DYNLRB2: variants seen among roughly 807,000 people sequenced by gnomAD.
The protein encoded by DYNLRB2 is bithoraxoid-like protein.
A neutral mutation model predicts 12.6 loss-of-function variants in DYNLRB2; 14 were observed. The ratio of observed to expected loss-of-function variants is 1.11; its 90% CI spans 0.73 to 1.73. The LOEUF (loss-of-function observed/expected upper bound fraction) is 1.73. Ranked by LOEUF, DYNLRB2 falls within the 40% of genes most tolerant of loss-of-function variation. The probability of loss-of-function intolerance (pLI) is 0.00; values close to 1 mark genes in which losing one functional copy is unlikely to be tolerated. For missense variants in DYNLRB2, 142 were observed against 117.7 expected (o/e 1.21, Z -0.95); for synonymous variants, 53 against 37.0 (o/e 1.43, Z -1.57).
In DYNLRB2 at chr16:80,550,578, G is replaced by C; in HGVS notation, c.*20G>C. The C allele has an allele frequency of 1.2e-6, 2 of 1,614,070 alleles. No homozygotes were observed. Among genetic ancestry groups the C allele is most frequent in the African/African-American group, 2.7e-5 (2 of 75,064 alleles). On this transcript the variant is annotated 3_prime_UTR_variant, in exon 4 of 4. Transcript: ENST00000305904. ...GAATAGACCTGCGATGGCCAAGGCT[G>C]TTTAAGCGACACTGGGTTGGAAACA...
upstream of DYNLRB2, chr16:80,540,917 G>A: frequency 7.5e-7 from 1 of 1,327,688 alleles, no homozygotes; most frequent in Admixed American, 2.0e-5. Context: ...CATCAGGAGC[G>A]CGGTCAGGGC....
At chr16:80,543,460 TTA>T (rs1403082596) in intron 2 of DYNLRB2, 109 bp downstream of exon 2, 2 of 1,005,072 alleles carry the variant, frequency 2.0e-6, no homozygotes, top group Non-Finnish European at 2.9e-6. Flanking sequence ...AAAAATATAT[TTA>T]TATATTTTAG....
upstream of DYNLRB2, chr16:80,540,975 G>T: frequency 1.9e-6 from 3 of 1,573,830 alleles, no homozygotes; most frequent in Non-Finnish European, 2.6e-6. Context: ...ACGCTTCCGT[G>T]GGGCCACTTC....
intron 2 of DYNLRB2, chr16:80,547,861 T>G (rs1250744284): frequency 4.4e-6 from 2 of 456,580 alleles, no homozygotes; most frequent in Non-Finnish European, 8.8e-6. Flanking sequence ...TTTATTATGC[T>G]TTATTTATTG....
chr16:80,543,841 T>A (rs1700087661), intron 2 of DYNLRB2, among the ~76,000 whole-genome samples: 1 of 152,236 alleles, frequency 6.6e-6, no homozygotes, highest in Admixed American at 6.5e-5. Context: ...GGATATAGCA[T>A]AAGAAGGCCC....
At chr16:80,547,894 A>G in intron 2 of DYNLRB2, 1 of 453,682 alleles carries the variant, frequency 2.2e-6, no homozygotes, top group South Asian at 1.6e-5. Flanking sequence ...TGTAAATATT[A>G]TCCTCATACT....
chr16:80,550,402 C>G, intron 3 of DYNLRB2, 113 bp from the exon 4 acceptor site: 1 of 1,230,996 alleles, frequency 8.1e-7, no homozygotes, highest in South Asian at 1.3e-5. Context: ...GGTGGGAAAC[C>G]ATCTGTCTGC....
intron 1 of DYNLRB2, among the ~76,000 whole-genome samples, chr16:80,542,046 T>C (rs1904292974): frequency 6.6e-6 from 1 of 152,182 alleles, no homozygotes. Flanking sequence ...TGCTATTAGG[T>C]CCTTAATACC....
chr16:80,546,564 G>A (rs1226813359), intron 2 of DYNLRB2, among the ~76,000 whole-genome samples: 7 of 152,186 alleles, frequency 4.6e-5, no homozygotes, highest in Non-Finnish European at 8.8e-5. Context: ...AATGCTACAC[G>A]TTTTTATTAG....
At chr16:80,543,609 A>C (rs1045121300) in intron 2 of DYNLRB2, among the ~76,000 whole-genome samples, 2 of 152,228 alleles carry the variant, frequency 1.3e-5, no homozygotes, top group Admixed American at 1.3e-4. Context: ...TACATTGTTT[A>C]CTTTTTAAAG....
chr16:80,543,254 T>A, intron 1 of DYNLRB2, 22 bp from the exon 2 acceptor site: 1 of 1,613,504 alleles, frequency 6.2e-7, no homozygotes, highest in Non-Finnish European at 8.5e-7. Flanking sequence ...TTTTGGTTAA[T>A]TATCTTCCTG....
intron 2 of DYNLRB2, among the ~76,000 whole-genome samples, chr16:80,545,172 T>A (rs1384389307): frequency 6.6e-6 from 1 of 152,054 alleles, no homozygotes; most frequent in Non-Finnish European, 1.5e-5. Flanking sequence ...GCCTCAAAGG[T>A]CTGAAAAATA....
At position 80,549,568 on chromosome 16, in the gene DYNLRB2, G is replaced by A. The variant is rs753198482; in HGVS notation, c.164G>A (p.Ser55Asn). ...CATCACCTGACAATGAAAGCCAAAA[G>A]CACAGTTCGTGATATTGATCCTCAG... ...LLHHLTMKAK[S>N]TVRDIDPQND... The change falls in exon 3 of 4, where the codon AGC becomes AAC. Residue 55 changes from serine (S) to asparagine (N), a missense_variant. Coordinates refer to ENST00000305904, the MANE Select transcript of DYNLRB2 (RefSeq NM_130897.3). 1 of 1,613,010 alleles carries A rather than the reference G, an allele frequency of 6.2e-7. No homozygotes were observed. The highest frequency in any genetic ancestry group is 8.5e-7 in the Non-Finnish European group (1 of 1,179,284).
chr16:80,549,534 G>C lies in DYNLRB2; in HGVS notation c.130G>C (p.Gly44Arg). 6.2e-7 allele frequency: 1 copy of C among 1,613,260 alleles called. No homozygotes were observed. The highest frequency in any genetic ancestry group is 8.5e-7 in the Non-Finnish European group (1 of 1,179,490). The change falls in exon 3 of 4, where the codon GGC becomes CGC. Residue 44 changes from glycine to arginine, a missense_variant. Transcript: ENST00000305904. ...LDNSTTVQYA[G>R]LLHHLTMKAK... ...CAACTCAACAACTGTTCAATATGCAGGCCTTCTTCATCACCTGACAATGAA... is the reference window on the plus strand; with the variant it reads ...CAACTCAACAACTGTTCAATATGCACGCCTTCTTCATCACCTGACAATGAA...
chr16:80,541,207 C>A (rs750520266), intron 1 of DYNLRB2, 128 bp downstream of exon 1: 97 of 1,448,468 alleles, frequency 6.7e-5, no homozygotes, highest in Non-Finnish European at 8.9e-5. Flanking sequence ...GCTGGTGGCT[C>A]CAGGATCTTC....
intron 3 of DYNLRB2, 74 bp downstream of exon 3, chr16:80,549,725 G>A: frequency 7.1e-7 from 1 of 1,405,670 alleles, no homozygotes; most frequent in South Asian, 1.5e-5. Context: ...TTCTATGAAT[G>A]GTAAGTACAG....
chr16:80,541,047 G>GA lies in DYNLRB2; in HGVS notation c.-30_-29insA. ...GACATCCCGGGAGGCTGTGCCGCCGGCCTGAGCCCAGAGTTTCGCGGCCTC... is the reference window on the plus strand; with the variant it reads ...GACATCCCGGGAGGCTGTGCCGCCGGACCTGAGCCCAGAGTTTCGCGGCCTC... On this transcript the variant is annotated 5_prime_UTR_variant, in exon 1 of 4. Transcript: ENST00000305904. The GA allele has an allele frequency of 6.2e-7, 1 of 1,606,782 alleles. No homozygotes were observed. Among genetic ancestry groups the GA allele is most frequent in the Middle Eastern group, 1.7e-4 (1 of 6,038 alleles).
At chr16:80,544,120 T>G (rs552906810) in intron 2 of DYNLRB2, among the ~76,000 whole-genome samples, 81 of 152,366 alleles carry the variant, frequency 5.3e-4, no homozygotes, top group African/African-American at 1.8e-3. Flanking sequence ...TATTACCAAC[T>G]CAGTGCCTTG....
In DYNLRB2 at chr16:80,550,606, T is replaced by G. The variant is rs753600284; in HGVS notation, c.*48T>G. ...TAAGCGACACTGGGTTGGAAACACT[T>G]GGCTCTCTCATGAGTATTAAAATTC... On this transcript the variant is annotated 3_prime_UTR_variant, in exon 4 of 4. Transcript: ENST00000305904. 6.3e-7 allele frequency: 1 copy of G among 1,599,572 alleles called. No homozygotes were observed. The highest frequency in any genetic ancestry group is 1.7e-5 in the Admixed American group (1 of 59,950).
Sources: gnomAD v4.1 joint callset for allele counts (sites outside exome capture counted in the v4.1 genomes callset) on GRCh38, gnomAD v4.1.1 for gene constraint, MANE v1.5 for transcripts, NCBI Gene and HGNC (gene_info 2026-07-23, HGNC 2026-07-21) for gene names.